PPFIBP1: variants seen among roughly 807,000 people sequenced by gnomAD.
PPFIBP1 encodes the protein liprin-beta-1.
In PPFIBP1, 112 loss-of-function variants were observed where a neutral mutation model predicts 137.8. The ratio of observed to expected loss-of-function variants is 0.81; its 90% CI spans 0.70 to 0.95. The LOEUF (loss-of-function observed/expected upper bound fraction) is 0.95. Among genes scored for constraint, PPFIBP1 ranks in the 40% least tolerant of loss-of-function variants. PPFIBP1 has a pLI of 0.00. For missense variants in PPFIBP1, 1,083 were observed against 1,196.6 expected (o/e 0.91, Z 1.40); for synonymous variants, 378 against 417.3 (o/e 0.91, Z 1.15).
chr12:27,671,196 T>C (rs1164322457), intron 13 of PPFIBP1, among the ~76,000 whole-genome samples: 3 of 152,172 alleles, frequency 2.0e-5, no homozygotes, highest in Non-Finnish European at 4.4e-5. Flanking sequence ...TTATTCACAA[T>C]ATTCAGTGTC....
At chr12:27,616,047 T>C (rs2055712436) in intron 2 of PPFIBP1, among the ~76,000 whole-genome samples, 1 of 152,004 alleles carries the variant, frequency 6.6e-6, no homozygotes, top group Admixed American at 6.5e-5. Context: ...GGGTACTTAC[T>C]AAGCACTTAA....
Position 27,578,224 on chromosome 12 carries a change from C to T in PPFIBP1, c.-51C>T, listed in dbSNP as rs888483347. The T allele has an allele frequency of 2.6e-5, 4 of 151,152 alleles. No individual in the cohort carries two copies. The highest frequency in any genetic ancestry group is 9.7e-5 in the African/African-American group (4 of 41,168). 9.4% of individuals were successfully genotyped at this position (151,152 alleles called of 1,614,324 possible). On this transcript the variant is annotated 5_prime_UTR_variant, in exon 2 of 30. Coordinates refer to ENST00000228425, the MANE Select transcript of PPFIBP1 (RefSeq NM_003622.4). ...AGAACTGAAATAAATCAGCTTTAAA[C>T]CTGCTTTTTAAAAATGTAAGTGAAC...
At chr12:27,599,714 T>C (rs1369778165) in intron 2 of PPFIBP1, among the ~76,000 whole-genome samples, 1 of 152,214 alleles carries the variant, frequency 6.6e-6, no homozygotes, top group Non-Finnish European at 1.5e-5. Flanking sequence ...TGGGATGCAC[T>C]GAGGGCACAG....
At chr12:27,645,417 G>A (rs769563454) in intron 4 of PPFIBP1, among the ~76,000 whole-genome samples, 8 of 149,768 alleles carry the variant, frequency 5.3e-5, no homozygotes, top group African/African-American at 4.9e-5. Context: ...TTTATACCAC[G>A]CATAAATATA....
chr12:27,679,807 T>G (rs1200679738), intron 20 of PPFIBP1, 126 bp from the exon 21 acceptor site: 3 of 1,394,996 alleles, frequency 2.2e-6, no homozygotes, highest in Non-Finnish European at 2.9e-6. Context: ...AAGTTTAAAT[T>G]TAAATGTCTA....
intron 8 of PPFIBP1, chr12:27,655,382 G>A (rs532113169): frequency 3.6e-6 from 2 of 552,682 alleles, no homozygotes; most frequent in Non-Finnish European, 6.4e-6. Context: ...TGATTGAAGG[G>A]ACAATGGGAT....
At chr12:27,599,573 C>T in intron 2 of PPFIBP1, 1 of 450,912 alleles carries the variant, frequency 2.2e-6, no homozygotes, top group South Asian at 1.6e-5. Context: ...CTCCTTCCTT[C>T]CTTTCATCCA....
At chr12:27,570,457 G>C (rs1449023809) in intron 1 of PPFIBP1, among the ~76,000 whole-genome samples, 1 of 152,126 alleles carries the variant, frequency 6.6e-6, no homozygotes. Context: ...AAGTCATCTT[G>C]CTTGCTTCCT....
intron 2 of PPFIBP1, among the ~76,000 whole-genome samples, chr12:27,590,959 C>G (rs1009391093): frequency 2.0e-5 from 3 of 152,062 alleles, no homozygotes; most frequent in Admixed American, 6.6e-5. Context: ...AACCAACCTC[C>G]CCTTGCTGAA....
rs1565908979 is a variant in PPFIBP1, at chr12:27,635,022, A to G, written c.177A>G (p.Leu59=). 6.2e-7 allele frequency: 1 copy of G among 1,614,166 alleles called. No individual in the cohort carries two copies. Among genetic ancestry groups the G allele is most frequent in the African/African-American group, 1.3e-5 (1 of 75,064 alleles). The part of the protein sequence containing the change: ...LHLVEDLRGL[L]EMMETDEKEG... Reference sequence around the variant, plus strand: ...TTGTGGAAGACCTGCGTGGATTGTTAGAGATGATGGAAACAGATGAGAAAG... The same window carrying G: ...TTGTGGAAGACCTGCGTGGATTGTTGGAGATGATGGAAACAGATGAGAAAG... The change falls in exon 4 of 30, where the codon TTA becomes TTG. Residue 59 remains leucine (L), a synonymous_variant. Transcript: ENST00000228425.
Position 27,686,809 on chromosome 12 carries a change from G to A in PPFIBP1, c.2248-576G>A, listed in dbSNP as rs549795203. Among the ~76,000 whole-genome samples the A allele has an allele frequency of 1.4e-4, 21 of 152,134 alleles. No homozygotes were observed. In the South Asian group the frequency reaches 2.3e-3, roughly 17 times the overall value. ...CCCAGCTTTTTGGGCGGCTGAGGCC[G>A]GGGGACTGCTTGAGCCTAGGAGTTT... On this transcript the variant is annotated intron_variant, in intron 24 of 29. Transcript: ENST00000228425.
intron 2 of PPFIBP1, among the ~76,000 whole-genome samples, chr12:27,582,591 C>T (rs961266962): frequency 4.6e-5 from 7 of 152,116 alleles, no homozygotes; most frequent in Admixed American, 4.6e-4. Flanking sequence ...AGATTGGGTT[C>T]CCTGGGTGTG....
At chr12:27,632,995 G>T (rs2057367779) in intron 2 of PPFIBP1, among the ~76,000 whole-genome samples, 1 of 152,166 alleles carries the variant, frequency 6.6e-6, no homozygotes, top group African/African-American at 2.4e-5. Context: ...GCAGAGATTG[G>T]GTGGGGCTGG....
At chr12:27,540,053 G>T in intron 1 of PPFIBP1, among the ~76,000 whole-genome samples, 1 of 149,060 alleles carries the variant, frequency 6.7e-6, no homozygotes, top group African/African-American at 2.5e-5. Flanking sequence ...ATAAAATATA[G>T]CCTATTTTCA....
At chr12:27,659,590 G>C (rs529262331) in intron 10 of PPFIBP1, among the ~76,000 whole-genome samples, 10 of 151,724 alleles carry the variant, frequency 6.6e-5, no homozygotes, top group African/African-American at 9.7e-5. Flanking sequence ...CCATTGTAGA[G>C]TTTGAGGCTG....
At position 27,574,964 on chromosome 12, in the gene PPFIBP1, A is replaced by G. The variant is rs77126063; in HGVS notation, c.-123-3188A>G. Among the ~76,000 whole-genome samples the G allele has an allele frequency of 4.9e-3, 744 of 152,354 alleles. 8 individuals are homozygous for G. Among genetic ancestry groups the G allele is most frequent in the African/African-American group, 0.016 (683 of 41,580 alleles). On this transcript the variant is annotated intron_variant, in intron 1 of 29. Coordinates refer to ENST00000228425, the MANE Select transcript of PPFIBP1 (RefSeq NM_003622.4). ...TCCCAACGAATATCACAATTAGTGT[A>G]TCATAAATGAAAAAATTAAAGCAGT...
intron 1 of PPFIBP1, among the ~76,000 whole-genome samples, chr12:27,543,111 C>T (rs1219828277): frequency 6.6e-6 from 1 of 152,060 alleles, no homozygotes; most frequent in East Asian, 1.9e-4. Flanking sequence ...TACGCCAGAC[C>T]TTGTTCAACC....
chr12:27,588,603 G>T (rs1225985877), intron 2 of PPFIBP1, among the ~76,000 whole-genome samples: 7 of 152,136 alleles, frequency 4.6e-5, no homozygotes, highest in Non-Finnish European at 1.0e-4. Context: ...GTACCCTAGG[G>T]TGAGAGCTCT....
intron 13 of PPFIBP1, among the ~76,000 whole-genome samples, chr12:27,667,732 G>A (rs2059945691): frequency 6.6e-6 from 1 of 152,216 alleles, no homozygotes; most frequent in East Asian, 1.9e-4. Context: ...ATCAGCTGGA[G>A]TGGCGTGAAG....
Sources: gnomAD v4.1 joint callset for allele counts (sites outside exome capture counted in the v4.1 genomes callset) on GRCh38, gnomAD v4.1.1 for gene constraint, MANE v1.5 for transcripts, NCBI Gene and HGNC (gene_info 2026-07-23, HGNC 2026-07-21) for gene names.